Variants in CSMD1 observed in about 807,000 individuals in gnomAD.
The protein encoded by CSMD1 is CUB and Sushi multiple domains 1.
In CSMD1, 213 loss-of-function variants were observed where a neutral mutation model predicts 417.5. The observed-to-expected ratio is 0.51, with a 90% CI of 0.46 to 0.57. CSMD1 has a LOEUF of 0.57. Ranked by LOEUF, CSMD1 falls within the 20% of genes least tolerant of loss-of-function variation. The pLI, the probability that CSMD1 is intolerant of heterozygous loss-of-function variation, is 0.00. For synonymous variants in CSMD1, 2,862 were observed against 1,736.8 expected, an observed-to-expected ratio of 1.65 and a Z score of -16.11; for missense variants, 6,923 against 4,529.7, an observed-to-expected ratio of 1.53 and a Z score of -15.17.
chr8:3,321,156 C>G (rs979917524), intron 23 of CSMD1, among the ~76,000 whole-genome samples: 2 of 152,062 alleles, frequency 1.3e-5, no homozygotes, highest in Non-Finnish European at 2.9e-5. Context: ...TCAGGTGGGT[C>G]GAATCCTTTG....
chr8:4,679,313 T>A (rs1805894830), intron 1 of CSMD1, among the ~76,000 whole-genome samples: 2 of 152,214 alleles, frequency 1.3e-5, no homozygotes, highest in South Asian at 4.1e-4. Flanking sequence ...AAGGGCGAAG[T>A]TGACACCTTC....
In CSMD1 at chr8:3,574,960, G is replaced by T. The variant is rs1441379914; in HGVS notation, c.1329C>A (p.Thr443=). 2 of 1,612,418 alleles carry T rather than the reference G, an allele frequency of 1.2e-6. No individual in the cohort carries two copies. The highest frequency in any genetic ancestry group is 1.7e-5 in the Admixed American group (1 of 60,022). The stretch of plus-strand genomic sequence containing the variant: ...GGAGCCTTACCTTGTCCGGGTCGGT[G>T]GTGGTGATGACCCACACACAGTGTG... ...DNAHCVWVIT[T]TDPDKVIKLA... The change falls in exon 10 of 70, where the codon ACC becomes ACA. Residue 443 remains threonine (T), a synonymous_variant. Coordinates refer to ENST00000635120, the MANE Select transcript of CSMD1 (RefSeq NM_033225.6).
chr8:3,823,877 C>A (rs1399469834), intron 5 of CSMD1, among the ~76,000 whole-genome samples: 1 of 151,924 alleles, frequency 6.6e-6, no homozygotes, highest in Non-Finnish European at 1.5e-5. Flanking sequence ...CTTTTCTGAT[C>A]CTCAGTTTCA....
intron 3 of CSMD1, among the ~76,000 whole-genome samples, chr8:4,382,100 G>C (rs1803143032): frequency 1.3e-5 from 2 of 152,148 alleles, no homozygotes; most frequent in African/African-American, 4.8e-5. Flanking sequence ...ACATAGCACT[G>C]TAATTAATAT....
chr8:4,924,865 G>A (rs557386327), intron 1 of CSMD1, among the ~76,000 whole-genome samples: 2 of 151,612 alleles, frequency 1.3e-5, no homozygotes, highest in East Asian at 1.9e-4. Flanking sequence ...TGTTTCTCAA[G>A]TTTCCCCAAC....
intron 3 of CSMD1, among the ~76,000 whole-genome samples, chr8:4,185,013 C>A (rs1425812723): frequency 6.6e-6 from 1 of 151,616 alleles, no homozygotes; most frequent in African/African-American, 2.4e-5. Flanking sequence ...GTGGTGGGTG[C>A]CTTTAATCCC....
chr8:4,699,226 G>A (rs909715959), intron 1 of CSMD1, among the ~76,000 whole-genome samples: 1 of 152,060 alleles, frequency 6.6e-6, no homozygotes, highest in South Asian at 2.1e-4. Flanking sequence ...GTTTTCCTTT[G>A]CTTAAAGGAT....
At position 3,740,062 on chromosome 8, in the gene CSMD1, A is replaced by C. The variant is rs563874117; in HGVS notation, c.931+13868T>G. Among the ~76,000 whole-genome samples the C allele has an allele frequency of 2.6e-5, 4 of 152,332 alleles. No homozygotes were observed. The South Asian group carries it at 8.3e-4, about 32-fold the overall frequency. ...AGCCACTTACAATATGCTGTTTTTC[A>C]TAGAGTAAAAGATGCAACAAAGGTA... is the stretch of plus-strand genomic sequence containing the variant. On this transcript the variant is annotated intron_variant, in intron 6 of 69. Coordinates refer to ENST00000635120, the MANE Select transcript of CSMD1 (RefSeq NM_033225.6).
rs1156622298 is a variant in CSMD1, at chr8:4,592,774, G to C, written c.302+44568C>G. On this transcript the variant is annotated intron_variant, in intron 2 of 69. Coordinates refer to ENST00000635120, the MANE Select transcript of CSMD1 (RefSeq NM_033225.6). ...CTACGAATTTTAATATTTATACTTA[G>C]TTAAAATATTGTTTTCTAAAATCTA... Among the ~76,000 whole-genome samples, 6 of 152,048 alleles carry C rather than the reference G, an allele frequency of 3.9e-5. No homozygotes were observed. In the East Asian group the frequency reaches 1.2e-3, roughly 29 times the overall value.
rs190554424 is a variant in CSMD1, at chr8:3,486,742, T to C, written c.1448+6881A>G. ...GTAGGAAGGTTGCCCTCAAGACACA[T>C]CCAATGGGTCCCCAAGGTCCCTGAC... On this transcript the variant is annotated intron_variant, in intron 11 of 69. Transcript: ENST00000635120. Among the ~76,000 whole-genome samples, 40 of 152,268 alleles carry C rather than the reference T, an allele frequency of 2.6e-4. No individual in the cohort carries two copies. In the East Asian group the frequency reaches 4.4e-3, roughly 17 times the overall value.
chr8:4,641,426 G>C (rs1563361221), intron 1 of CSMD1, among the ~76,000 whole-genome samples: 1 of 152,078 alleles, frequency 6.6e-6, no homozygotes, highest in Non-Finnish European at 1.5e-5. Flanking sequence ...CATACACAGA[G>C]TTAACTTCAG....
intron 33 of CSMD1, among the ~76,000 whole-genome samples, chr8:3,192,008 T>C (rs1796454266): frequency 1.3e-5 from 2 of 152,186 alleles, no homozygotes; most frequent in Admixed American, 1.3e-4. Context: ...TTTATTTATT[T>C]ATTTTCTGTT....
At chr8:4,029,497 G>T (rs548351567) in intron 4 of CSMD1, among the ~76,000 whole-genome samples, 13 of 152,218 alleles carry the variant, frequency 8.5e-5, no homozygotes, top group African/African-American at 3.1e-4. Flanking sequence ...ATCAGATCTT[G>T]AGAGACTTAT....
intron 3 of CSMD1, among the ~76,000 whole-genome samples, chr8:4,150,291 G>C (rs188573741): frequency 6.6e-6 from 1 of 152,120 alleles, no homozygotes; most frequent in East Asian, 1.9e-4. Context: ...AAGTCTCCAA[G>C]CTTCCTCAGC....
chr8:3,443,812 C>G (rs749082528), intron 12 of CSMD1, among the ~76,000 whole-genome samples: 1 of 152,070 alleles, frequency 6.6e-6, no homozygotes, highest in African/African-American at 2.4e-5. Context: ...GAATGCAAAA[C>G]CATTTTAGAT....
At chr8:4,229,619 C>T (rs955289446) in intron 3 of CSMD1, among the ~76,000 whole-genome samples, 7 of 152,306 alleles carry the variant, frequency 4.6e-5, no homozygotes, top group African/African-American at 1.7e-4. Context: ...CAGATGCCCT[C>T]ATAGTTCACT....
Position 3,663,578 on chromosome 8 carries a change from C to A in CSMD1, c.1009+44836G>T, listed in dbSNP as rs543080009. ...CTGCCTCCAACTCTATTCAAAGCCA[C>A]CCCTCTGCTCACTGAGATAAACCCA... On this transcript the variant is annotated intron_variant, in intron 7 of 69. Transcript: ENST00000635120. Among the ~76,000 whole-genome samples the A allele has an allele frequency of 2.0e-5, 3 of 152,290 alleles. No homozygotes were observed. In the East Asian group the frequency reaches 5.8e-4, roughly 29 times the overall value.
chr8:3,060,911 T>G (rs557946203), intron 49 of CSMD1, among the ~76,000 whole-genome samples: 178 of 152,312 alleles, frequency 1.2e-3, no homozygotes, highest in Non-Finnish European at 1.9e-3. Context: ...GGAGGAGAGA[T>G]GCTGTGGGTA....
chr8:3,805,314 C>A (rs1333139920), intron 5 of CSMD1, among the ~76,000 whole-genome samples: 1 of 152,132 alleles, frequency 6.6e-6, no homozygotes, highest in African/African-American at 2.4e-5. Context: ...AGGACACCAG[C>A]CTCAAAGGCA....
Sources: allele counts gnomAD v4.1 joint callset (sites outside exome capture counted in the v4.1 genomes callset), GRCh38; gene constraint gnomAD v4.1.1; transcripts MANE v1.5; gene names NCBI Gene and HGNC (gene_info 2026-07-23, HGNC 2026-07-21).